The following STK10 variants were observed in gnomAD, a reference collection of about 807,000 sequenced individuals.
STK10 encodes the protein serine/threonine kinase 10, also known as serine/threonine-protein kinase 10.
A neutral mutation model predicts 113.8 loss-of-function variants in STK10; 78 were observed. The ratio of observed to expected loss-of-function variants is 0.69; its 90% CI spans 0.57 to 0.83. STK10 has a LOEUF of 0.83. STK10 is among the 40% of genes least tolerant of loss of function. The pLI is 0.00. For missense variants in STK10, 1,109 were observed against 1,280.1 expected (o/e 0.87, Z 2.04); for synonymous variants, 465 against 494.7 (o/e 0.94, Z 0.80).
rs750069852 is a variant in STK10, at chr5:172,188,032, G to C, written c.11C>G (p.Ala4Gly). Residue 4 changes from alanine (A) to glycine (G), a missense_variant, in exon 1 of 19, where the codon GCC (alanine) becomes GGC (glycine). This residue lies in a region of STK10 where 57 missense variants were observed against 53.6 expected (regional missense o/e 1.06). Transcript: ENST00000176763. The surrounding 1 kb of genome is among the most constrained non-coding windows in gnomAD (Gnocchi z 5.6). MAF[A>G]NFRRILRLST... is the part of the protein sequence containing the mutation. ...CAGGCGCAGGATGCGGCGGAAATTG[G>C]CAAAAGCCATGGCCGGGGGCGCGGT... The C allele has an allele frequency of 1.9e-6, 3 of 1,612,608 alleles. No homozygotes were observed. Among genetic ancestry groups the C allele is most frequent in the Non-Finnish European group, 2.5e-6 (3 of 1,179,538 alleles).
chr5:172,170,272 C>T (rs943217680), intron 1 of STK10, among the ~76,000 whole-genome samples: 1 of 152,050 alleles, frequency 6.6e-6, no homozygotes, highest in African/African-American at 2.4e-5. Flanking sequence ...TTCTCCATAA[C>T]ATATTTCTAT....
chr5:172,101,789 G>A (rs1212399769), intron 7 of STK10, among the ~76,000 whole-genome samples: 6 of 152,224 alleles, frequency 3.9e-5, no homozygotes, highest in African/African-American at 2.4e-5. Flanking sequence ...ATGACTTGAA[G>A]AGGGAGAGTC....
chr5:172,055,494 A>G (rs890653081), intron 16 of STK10, 94 bp downstream of exon 16: 26 of 1,214,822 alleles, frequency 2.1e-5, no homozygotes, highest in Non-Finnish European at 2.6e-5. Context: ...ATCTTGTTTC[A>G]TATTCTCCAA....
intron 2 of STK10, among the ~76,000 whole-genome samples, chr5:172,130,188 C>T (rs1362803147): frequency 6.6e-6 from 1 of 152,116 alleles, no homozygotes; most frequent in Non-Finnish European, 1.5e-5. Flanking sequence ...GCTAATATTA[C>T]GTGGCTCTAG....
chr5:172,179,594 G>A (rs1391823324), intron 1 of STK10, among the ~76,000 whole-genome samples: 1 of 146,414 alleles, frequency 6.8e-6, no homozygotes, highest in Non-Finnish European at 1.5e-5. Context: ...GACCCGCAGG[G>A]CTGTGGGCAG....
chr5:172,179,775 G>A (rs1770818539), intron 1 of STK10, among the ~76,000 whole-genome samples: 1 of 152,236 alleles, frequency 6.6e-6, no homozygotes, highest in African/African-American at 2.4e-5. Context: ...TTCCGGAGGA[G>A]GAGGGGAGGA....
intron 7 of STK10, among the ~76,000 whole-genome samples, chr5:172,099,269 A>G (rs372136079): frequency 1.3e-5 from 2 of 152,192 alleles, no homozygotes; most frequent in African/African-American, 4.8e-5. Context: ...GGCCCGGCAC[A>G]GTGGCTCACA....
chr5:172,124,342 C>T (rs187608928), intron 3 of STK10, among the ~76,000 whole-genome samples: 186 of 152,252 alleles, frequency 1.2e-3, no homozygotes, highest in Non-Finnish European at 2.5e-3. Context: ...CAGACCTTTC[C>T]CCCACCTAAA....
chr5:172,052,937 G>A lies in STK10; in HGVS notation c.2758C>T (p.Arg920Cys), dbSNP rs759646603. The change falls in exon 18 of 19, where the codon CGC becomes TGC. Residue 920 changes from arginine (R) to cysteine (C), a missense_variant. Physicochemically the swap from Arg to Cys is radical, Grantham distance 180. This residue lies in a region of STK10 where 885 missense variants were observed against 991.1 expected (regional missense o/e 0.89). Coordinates refer to ENST00000176763, the MANE Select transcript of STK10 (RefSeq NM_005990.4). ...LKEWRDKLRP[R>C]KKALEEDLNQ... ...AGCTCGGATAAAGTTACCTTCTTGC[G>A]CGGCCGAAGCTTGTCCCGCCATTCC... The A allele has an allele frequency of 2.0e-5, 32 of 1,613,840 alleles. No homozygotes were observed. Among genetic ancestry groups the A allele is most frequent in the Middle Eastern group, 1.7e-4 (1 of 5,942 alleles).
chr5:172,086,497 A>G (rs556774703), intron 10 of STK10, among the ~76,000 whole-genome samples: 2 of 152,206 alleles, frequency 1.3e-5, no homozygotes, highest in African/African-American at 4.8e-5. Flanking sequence ...AAGGAAAGGC[A>G]AGCAAAGAGA....
In STK10 at chr5:172,151,580, G is replaced by A. The variant is rs188382651; in HGVS notation, c.321+5044C>T. The stretch of plus-strand genomic sequence containing the variant: ...CAGGCTGGTCTCAAACGCCTGATTC[G>A]TGATCCACCCACCTCGGCCTCCCAA... On this transcript the variant is annotated intron_variant, in intron 2 of 18. Coordinates refer to ENST00000176763, the MANE Select transcript of STK10 (RefSeq NM_005990.4). 1.7e-3 allele frequency among the ~76,000 whole-genome samples: 264 copies of A among 152,226 alleles called. No individual in the cohort carries two copies. In the Middle Eastern group the frequency reaches 0.02, roughly 12 times the overall value.
At chr5:172,143,618 T>C (rs1295855428) in intron 2 of STK10, among the ~76,000 whole-genome samples, 2 of 152,196 alleles carry the variant, frequency 1.3e-5, no homozygotes, top group East Asian at 3.8e-4. Context: ...CCACCATCCT[T>C]CTGTGGGGCT....
chr5:172,057,438 G>A lies in STK10; in HGVS notation c.2248C>T (p.Gln750Ter). The change falls in exon 15 of 19, where the codon CAG (glutamine) becomes TAG (stop). Residue 750 changes from glutamine to a stop codon, truncating the protein, a stop_gained. Transcript: ENST00000176763. LOFTEE classifies it high-confidence loss of function. ...ACCAGCTGGTGCCTCTCCTGCAGCT[G>A]GTGCTCTTCCATCTCCCACAGGGCT... ...EAALWEMEEH[Q>*]LQERHQLVKQ... 1 of 1,551,006 alleles carries A rather than the reference G, an allele frequency of 6.4e-7. No homozygotes were observed.
chr5:172,137,843 G>T (rs1769896091), intron 2 of STK10, among the ~76,000 whole-genome samples: 1 of 131,076 alleles, frequency 7.6e-6, no homozygotes, highest in African/African-American at 3.0e-5. Flanking sequence ...AGTGAGCCGA[G>T]ATCACACCAC....
At chr5:172,067,015 A>T (rs905498495) in intron 12 of STK10, among the ~76,000 whole-genome samples, 2 of 152,184 alleles carry the variant, frequency 1.3e-5, no homozygotes, top group Non-Finnish European at 2.9e-5. Context: ...TACATTCTTC[A>T]AAAGATTATA....
intron 12 of STK10, among the ~76,000 whole-genome samples, chr5:172,076,915 TA>T (rs1768321284): frequency 8.6e-6 from 1 of 116,796 alleles, no homozygotes; most frequent in Admixed American, 7.8e-5. Flanking sequence ...AGCAGTTTAG[TA>T]AAGGATTTCT....
At chr5:172,148,974 C>A (rs1027156124) in intron 2 of STK10, among the ~76,000 whole-genome samples, 5 of 152,306 alleles carry the variant, frequency 3.3e-5, no homozygotes, top group Admixed American at 2.0e-4. Flanking sequence ...TCGCTTGAGT[C>A]CAGTAGTTGG....
intron 3 of STK10, among the ~76,000 whole-genome samples, chr5:172,125,312 G>A: frequency 6.6e-6 from 1 of 152,100 alleles, no homozygotes; most frequent in Non-Finnish European, 1.5e-5. Context: ...CACCAATCCT[G>A]GTGATATGCA....
rs3028101 is a variant in STK10 at position 172,118,878 on chromosome 5, C to CA, written c.371-1249dup. Among the ~76,000 whole-genome samples the CA allele has an allele frequency of 8.9e-3, 634 of 71,166 alleles. 28 individuals carry two copies. The highest frequency in any genetic ancestry group is 0.077 in the East Asian group (185 of 2,410). The allele number at this position is 71,166 out of a possible 152,430, so 46.7% of individuals were successfully genotyped here. On this transcript the variant is annotated intron_variant, in intron 3 of 18. Transcript: ENST00000176763. Reference sequence around the variant, plus strand: ...TGGGTGACAGAGCGAGACTCAGTCTCAAAAAAAAAAAAAAAAAAAGTGTCC... The same window carrying CA: ...TGGGTGACAGAGCGAGACTCAGTCTCAAAAAAAAAAAAAAAAAAAAGTGTCC...
Sources: allele counts gnomAD v4.1 joint callset (sites outside exome capture counted in the v4.1 genomes callset), GRCh38; gene constraint gnomAD v4.1.1; regional missense constraint gnomAD v4.1.1; non-coding constraint Gnocchi (gnomAD v3.1); transcripts MANE v1.5; gene names NCBI Gene and HGNC (gene_info 2026-07-23, HGNC 2026-07-21).